The following PCDHA6 variants were observed in gnomAD, a reference collection of about 807,000 sequenced individuals.
PCDHA6 encodes the protein protocadherin alpha 6, also known as protocadherin alpha-6.
In PCDHA6, 55 loss-of-function variants were observed where a neutral mutation model predicts 60.3. That is an observed-to-expected ratio of 0.91 (90% CI 0.73 to 1.14). PCDHA6 has a LOEUF of 1.14. Ranked by LOEUF, PCDHA6 falls within the 50% of genes most tolerant of loss-of-function variation. The pLI, the probability that PCDHA6 is intolerant of heterozygous loss-of-function variation, is 0.00. For missense variants in PCDHA6, 1,327 were observed against 1,256.5 expected (o/e 1.06, Z -0.85); for synonymous variants, 652 against 557.9 (o/e 1.17, Z -2.38).
intron 1 of PCDHA6, chr5:140,968,033 G>A (rs1554230222): frequency 6.2e-7 from 1 of 1,614,074 alleles, no homozygotes; most frequent in African/African-American, 1.3e-5. Context: ...TACACTGGTG[G>A]TGAGCGGCCC....
rs782349051 is a variant in PCDHA6, at chr5:140,857,178, A to G, written c.2394+26693A>G. 8.1e-6 allele frequency: 13 copies of G among 1,598,358 alleles called. No individual in the cohort carries two copies. The South Asian group carries it at 1.3e-4, about 16-fold the overall frequency. On this transcript the variant is annotated intron_variant, in intron 1 of 3. Transcript: ENST00000529310. The stretch of plus-strand genomic sequence containing the variant: ...GCCCTAATCAGCGTTTCTGACCATG[A>G]TTCAGGAGCCAACGGACAGGTCACC...
intron 1 of PCDHA6, among the ~76,000 whole-genome samples, chr5:140,956,813 T>C (rs1306502330): frequency 6.6e-6 from 1 of 152,176 alleles, no homozygotes; most frequent in African/African-American, 2.4e-5. Context: ...TATTATTGCT[T>C]CAATTTGTAA....
At chr5:140,841,383 T>C (rs1554138141) in intron 1 of PCDHA6, 11 of 1,613,486 alleles carry the variant, frequency 6.8e-6, no homozygotes, top group Non-Finnish European at 8.5e-6. Context: ...CTTCTGCTCC[T>C]CGCAGCCTGG....
At chr5:140,875,367 T>A (rs937879067) in intron 1 of PCDHA6, 1 of 1,449,166 alleles carries the variant, frequency 6.9e-7, no homozygotes, top group Non-Finnish European at 9.1e-7. Context: ...CTGGAAAAAA[T>A]TTACTAAATA....
At position 140,849,582 on chromosome 5, in the gene PCDHA6, G is replaced by A. The variant is rs2150441329; in HGVS notation, c.2394+19097G>A. On this transcript the variant is annotated intron_variant, in intron 1 of 3. Transcript: ENST00000529310. Reference sequence around the variant, plus strand: ...GCTCTCGGTTCCTGTAAAAGAGGACGCACAACTGGGGACAGTTATTGCCCT... The same window carrying A: ...GCTCTCGGTTCCTGTAAAAGAGGACACACAACTGGGGACAGTTATTGCCCT... 80 of 1,598,576 alleles carry A rather than the reference G, an allele frequency of 5.0e-5. 10 individuals are homozygous for A. Among genetic ancestry groups the A allele is most frequent in the Non-Finnish European group, 6.6e-5 (77 of 1,167,978 alleles).
At chr5:141,007,839 A>C (rs782046722) in intron 3 of PCDHA6, among the ~76,000 whole-genome samples, 2 of 152,226 alleles carry the variant, frequency 1.3e-5, no homozygotes, top group Non-Finnish European at 2.9e-5. Context: ...TACCCATTAG[A>C]GACTCAAAGT....
intron 1 of PCDHA6, among the ~76,000 whole-genome samples, chr5:140,952,166 G>A (rs2094699360): frequency 6.6e-6 from 1 of 152,072 alleles, no homozygotes; most frequent in African/African-American, 2.4e-5. Flanking sequence ...GTGGGGTTCA[G>A]TTCCTGCAGC....
intron 1 of PCDHA6, among the ~76,000 whole-genome samples, chr5:140,899,285 A>T (rs2067252506): frequency 6.6e-6 from 1 of 152,132 alleles, no homozygotes; most frequent in African/African-American, 2.4e-5. Context: ...CAAAGGGAAT[A>T]CTTCCAGTTT....
Position 140,877,047 on chromosome 5 carries a change from C to T in PCDHA6, c.2394+46562C>T, listed in dbSNP as rs372059660. The T allele has an allele frequency of 5.6e-6, 9 of 1,612,564 alleles. No homozygotes were observed. The African/African-American group carries it at 1.2e-4, about 22-fold the overall frequency. On this transcript the variant is annotated intron_variant, in intron 1 of 3. Transcript: ENST00000529310. ...TGTACGCGCTGCAGCCGCTAGACCA[C>T]GAGGAGCTGGAGCTGCTGCAGTTCC...
rs150956127 is a variant in PCDHA6 at position 140,830,448 on chromosome 5, C to T, written c.2357C>T (p.Ala786Val). The T allele has an allele frequency of 8.1e-3, 12,933 of 1,600,458 alleles. 78 individuals are homozygous for T. The highest frequency in any genetic ancestry group is 9.4e-3 in the Non-Finnish European group (10,993 of 1,171,708). The stretch of plus-strand genomic sequence containing the variant: ...CCTTGTCCTATTATGATGGGTAAGG[C>T]GGAGAATCAGGATTTAAATGAAGAT... ...LSPCPIMMGKAENQDLNEDHD... is the reference protein window; with the variant it reads ...LSPCPIMMGKVENQDLNEDHD... The change falls in exon 1 of 4, where the codon GCG (alanine) becomes GTG (valine). Residue 786 changes from alanine to valine, a missense_variant. By Grantham distance (64) the Ala-to-Val change is moderately conservative. Transcript: ENST00000529310.
At chr5:140,931,815 T>C (rs954167352) in intron 1 of PCDHA6, among the ~76,000 whole-genome samples, 47 of 152,114 alleles carry the variant, frequency 3.1e-4, no homozygotes, top group African/African-American at 8.4e-4. Flanking sequence ...TAGAAAAGAA[T>C]TCTTGTCATA....
intron 2 of PCDHA6, among the ~76,000 whole-genome samples, chr5:140,982,130 G>A (rs1298475758): frequency 6.6e-6 from 1 of 152,228 alleles, no homozygotes; most frequent in African/African-American, 2.4e-5. Context: ...TTGAGAACAA[G>A]CCCTCCTCAT....
intron 1 of PCDHA6, among the ~76,000 whole-genome samples, chr5:140,920,262 T>A (rs1199241403): frequency 2.0e-5 from 3 of 152,216 alleles, no homozygotes; most frequent in African/African-American, 7.2e-5. Flanking sequence ...ATAATAATTA[T>A]TACTTTATGT....
chr5:140,922,358 A>T (rs1273986507), intron 1 of PCDHA6, among the ~76,000 whole-genome samples: 2 of 152,212 alleles, frequency 1.3e-5, no homozygotes, highest in African/African-American at 4.8e-5. Flanking sequence ...TAGAGTAGTG[A>T]TTCTCACTGA....
chr5:140,857,791 G>A, intron 1 of PCDHA6: 2 of 1,597,714 alleles, frequency 1.3e-6, no homozygotes, highest in Non-Finnish European at 1.7e-6. Context: ...AGCTGGTGCT[G>A]CGGTCGGTGG....
In PCDHA6 at chr5:140,829,437, A is replaced by G; in HGVS notation, c.1346A>G (p.Asn449Ser). The change falls in exon 1 of 4, where the codon AAT becomes AGT. Residue 449 changes from asparagine (N) to serine (S), a missense_variant. By Grantham distance (46) the Asn-to-Ser change is conservative. Coordinates refer to ENST00000529310, the MANE Select transcript of PCDHA6 (RefSeq NM_018909.4). ...ASLSVEVADM[N>S]DNAPAFAQPE... ...TTGTCTGTGGAGGTGGCCGACATGA[A>G]TGACAATGCTCCGGCGTTCGCGCAG... 6.2e-7 allele frequency: 1 copy of G among 1,614,082 alleles called. No homozygotes were observed. Among genetic ancestry groups the G allele is most frequent in the Non-Finnish European group, 8.5e-7 (1 of 1,180,044 alleles).
chr5:140,833,965 GA>G (rs2150212449), intron 1 of PCDHA6, among the ~76,000 whole-genome samples: 47 of 152,008 alleles, frequency 3.1e-4, no homozygotes, highest in South Asian at 4.2e-4. Context: ...AAAACTGTGT[GA>G]AAAAAAAGTT....
In PCDHA6 at chr5:141,003,833, A is replaced by G. The variant is rs1215772990; in HGVS notation, c.2543-5794A>G. On this transcript the variant is annotated intron_variant, in intron 3 of 3. Transcript: ENST00000529310. ...AGTCTGGGAAGGGCTCTGCCTAACG[A>G]TTCAGACCCCTACCAGATTTATATG... is the stretch of plus-strand genomic sequence containing the variant. 2.6e-5 allele frequency among the ~76,000 whole-genome samples: 4 copies of G among 152,176 alleles called. No individual in the cohort carries two copies. In the East Asian group the frequency reaches 7.7e-4, roughly 29 times the overall value.
At chr5:140,882,344 A>T in intron 1 of PCDHA6, 2 of 1,614,084 alleles carry the variant, frequency 1.2e-6, no homozygotes, top group Admixed American at 3.3e-5. Flanking sequence ...AGCCTGGGAG[A>T]CGGGTAGTGG....
Sources: allele counts gnomAD v4.1 joint callset (sites outside exome capture counted in the v4.1 genomes callset), GRCh38; gene constraint gnomAD v4.1.1; transcripts MANE v1.5; gene names NCBI Gene and HGNC (gene_info 2026-07-23, HGNC 2026-07-21).